TTC39C: variants seen among roughly 807,000 people sequenced by gnomAD.
TTC39C encodes the protein tetratricopeptide repeat protein 39C.
A neutral mutation model predicts 76.3 loss-of-function variants in TTC39C; 33 were observed. That is an observed-to-expected ratio of 0.43 (90% CI 0.33 to 0.58). TTC39C has a LOEUF of 0.58. Ranked by LOEUF, TTC39C falls within the 20% of genes least tolerant of loss-of-function variation. The probability of loss-of-function intolerance (pLI) is 0.04; values close to 1 mark genes in which losing one functional copy is unlikely to be tolerated. For missense variants in TTC39C, 595 were observed against 701.4 expected, an observed-to-expected ratio of 0.85 and a Z score of 1.71; for synonymous variants, 254 against 260.6, an observed-to-expected ratio of 0.97 and a Z score of 0.24.
chr18:24,073,660 C>T (rs1016923433), intron 4 of TTC39C, among the ~76,000 whole-genome samples: 1 of 152,116 alleles, frequency 6.6e-6, no homozygotes, highest in Non-Finnish European at 1.5e-5. Context: ...GGACTACAGG[C>T]ATGTACCACC....
rs964682072 is a variant in TTC39C, at chr18:24,132,802, C to G, written c.*228C>G. ...GATGATGGTAATAATAACTAACCAC[C>G]TGGGGAGAGGGTTAAGTGACCTTGC... On this transcript the variant is annotated 3_prime_UTR_variant, in exon 14 of 14. Transcript: ENST00000317571. 2 of 415,406 alleles carry G rather than the reference C, an allele frequency of 4.8e-6. No homozygotes were observed. The highest frequency in any genetic ancestry group is 8.5e-6 in the Non-Finnish European group (2 of 235,848). The allele number at this position is 415,406 out of a possible 1,614,324, so 25.7% of individuals were successfully genotyped here.
rs572613834 is a variant in TTC39C, at chr18:24,022,580, G to A, written c.167+7542G>A. 66 of 985,390 alleles carry A rather than the reference G, an allele frequency of 6.7e-5. No individual in the cohort carries two copies. The South Asian group carries it at 2.5e-3, about 38-fold the overall frequency. 61.0% of individuals were successfully genotyped at this position (985,390 alleles called of 1,614,324 possible). ...AAGGATTCACATGTGTCCTGTCAAA[G>A]CCATTTTGGGGCAAGTTCCTTCAGT... On this transcript the variant is annotated intron_variant, in intron 1 of 13. Coordinates refer to ENST00000317571, the MANE Select transcript of TTC39C (RefSeq NM_001135993.2).
At chr18:24,104,041 C>T (rs2145793767) in intron 6 of TTC39C, among the ~76,000 whole-genome samples, 1 of 151,968 alleles carries the variant, frequency 6.6e-6, no homozygotes, top group Non-Finnish European at 1.5e-5. Context: ...AAGCAATTCT[C>T]CTACCTCAAC....
intron 10 of TTC39C, among the ~76,000 whole-genome samples, chr18:24,126,288 A>G (rs1271267045): frequency 6.6e-6 from 1 of 152,164 alleles, no homozygotes; most frequent in Non-Finnish European, 1.5e-5. Flanking sequence ...AATATTCCAG[A>G]AATAGTTTAT....
In TTC39C at chr18:24,132,678, C is replaced by T; in HGVS notation, c.*104C>T. Reference sequence around the variant, plus strand: ...GAAGATGGGCTTTTCTTCTGAAAACCACCTGTGCCAGGGACACATTTTCCC... The same window carrying T: ...GAAGATGGGCTTTTCTTCTGAAAACTACCTGTGCCAGGGACACATTTTCCC... On this transcript the variant is annotated 3_prime_UTR_variant, in exon 14 of 14. Transcript: ENST00000317571. The T allele has an allele frequency of 2.3e-6, 2 of 885,372 alleles. No individual in the cohort carries two copies. Among genetic ancestry groups the T allele is most frequent in the Middle Eastern group, 3.4e-4 (1 of 2,910 alleles). The allele number at this position is 885,372 out of a possible 1,614,324, so 54.8% of individuals were successfully genotyped here.
rs1194881374 is a variant in TTC39C, at chr18:24,134,571, G to A, written c.*1997G>A. On this transcript the variant is annotated 3_prime_UTR_variant, in exon 14 of 14. Transcript: ENST00000317571. ...ATTACTGGTGTGAGCCACCGTGCCC[G>A]GCCTGGACATCTGGTTTTAACTAGA... is the stretch of plus-strand genomic sequence containing the variant. The A allele has an allele frequency of 2.0e-5, 3 of 151,940 alleles. No individual in the cohort carries two copies. The highest frequency in any genetic ancestry group is 4.4e-5 in the Non-Finnish European group (3 of 68,006). The allele number at this position is 151,940 out of a possible 1,614,324, so 9.4% of individuals were successfully genotyped here. A position where few individuals can be genotyped will look rare whatever the true frequency, so the allele number is the denominator to read the frequency against.
intron 1 of TTC39C, among the ~76,000 whole-genome samples, chr18:24,046,810 GT>G (rs1418243681): frequency 1.2e-4 from 18 of 151,718 alleles, no homozygotes; most frequent in Non-Finnish European, 2.5e-4. Flanking sequence ...ACCACTCACT[GT>G]AAATATTATA....
At chr18:24,036,373 G>T (rs2083732605) in intron 1 of TTC39C, among the ~76,000 whole-genome samples, 1 of 152,096 alleles carries the variant, frequency 6.6e-6, no homozygotes, top group Non-Finnish European at 1.5e-5. Flanking sequence ...TCCATTTATT[G>T]ATCTCATCTT....
chr18:24,106,299 A>G (rs2084744644), intron 6 of TTC39C, among the ~76,000 whole-genome samples: 2 of 152,170 alleles, frequency 1.3e-5, no homozygotes, highest in Non-Finnish European at 2.9e-5. Flanking sequence ...CTCCAAGTGC[A>G]CCACCTACAC....
At chr18:24,085,935 G>C (rs1024050522) in intron 6 of TTC39C, among the ~76,000 whole-genome samples, 1 of 152,158 alleles carries the variant, frequency 6.6e-6, no homozygotes, top group African/African-American at 2.4e-5. Context: ...GCGTTTCATT[G>C]CTCTTCCCAG....
intron 1 of TTC39C, among the ~76,000 whole-genome samples, chr18:24,050,294 G>C (rs1004959271): frequency 6.6e-6 from 1 of 152,094 alleles, no homozygotes; most frequent in Non-Finnish European, 1.5e-5. Flanking sequence ...ATGTGGCCTG[G>C]TGCAGTGGCT....
At position 24,059,698 on chromosome 18, in the gene TTC39C, C is replaced by A. The variant is rs114638916; in HGVS notation, c.168-4442C>A. Among the ~76,000 whole-genome samples, 895 of 152,246 alleles carry A rather than the reference C, an allele frequency of 5.9e-3. 16 individuals carry two copies. Among genetic ancestry groups the A allele is most frequent in the African/African-American group, 0.02 (847 of 41,534 alleles). On this transcript the variant is annotated intron_variant, in intron 1 of 13. Transcript: ENST00000317571. ...CATACATGTGCATGTGTCTTTAGAA[C>A]AATTTATAGTTTTTTGGGTATATAC...
intron 4 of TTC39C, among the ~76,000 whole-genome samples, chr18:24,074,375 G>A (rs1422811494): frequency 6.6e-6 from 1 of 152,166 alleles, no homozygotes; most frequent in Non-Finnish European, 1.5e-5. Flanking sequence ...GCATGTGGGA[G>A]TTATTTATAT....
intron 1 of TTC39C, among the ~76,000 whole-genome samples, chr18:24,007,664 A>G (rs1212057549): frequency 2.0e-5 from 3 of 152,242 alleles, no homozygotes; most frequent in African/African-American, 7.2e-5. Context: ...GATTACAGGC[A>G]TGAGCCACCT....
rs200500515 is a variant in TTC39C, at chr18:24,040,883, T to TG, written c.168-23250dup. 5.6e-3 allele frequency among the ~76,000 whole-genome samples: 857 copies of TG among 152,204 alleles called. 12 individuals carry two copies. The highest frequency in any genetic ancestry group is 0.02 in the African/African-American group (824 of 41,536). Reference sequence around the variant, plus strand: ...GTGTGAAGTGGTGGTACTGTATTTTTGGGGGGGCTATATTATAAATTACTG... The same window carrying TG: ...GTGTGAAGTGGTGGTACTGTATTTTTGGGGGGGGCTATATTATAAATTACTG... On this transcript the variant is annotated intron_variant, in intron 1 of 13. Transcript: ENST00000317571.
intron 1 of TTC39C, among the ~76,000 whole-genome samples, chr18:24,047,261 T>G (rs1394928999): frequency 6.6e-6 from 1 of 151,524 alleles, no homozygotes; most frequent in African/African-American, 2.4e-5. Context: ...ATCTGGCTAA[T>G]TTTTGTATTT....
At chr18:24,078,905 T>C (rs1042943127) in intron 4 of TTC39C, among the ~76,000 whole-genome samples, 2 of 152,344 alleles carry the variant, frequency 1.3e-5, no homozygotes, top group South Asian at 4.1e-4. Flanking sequence ...GGGCCAACCT[T>C]TTTAGCAGTT....
intron 8 of TTC39C, among the ~76,000 whole-genome samples, chr18:24,120,635 G>A (rs996830052): frequency 6.6e-6 from 1 of 152,158 alleles, no homozygotes; most frequent in East Asian, 1.9e-4. Flanking sequence ...AACATCACCA[G>A]CATCCATCTC....
At chr18:24,105,396 TC>T (rs1052522060) in intron 6 of TTC39C, among the ~76,000 whole-genome samples, 2 of 152,228 alleles carry the variant, frequency 1.3e-5, no homozygotes, top group African/African-American at 2.4e-5. Context: ...TTATGGCTGA[TC>T]ATCGGGTATT....
Sources: gnomAD v4.1 joint callset for allele counts (sites outside exome capture counted in the v4.1 genomes callset) on GRCh38, gnomAD v4.1.1 for gene constraint, MANE v1.5 for transcripts, NCBI Gene and HGNC (gene_info 2026-07-23, HGNC 2026-07-21) for gene names.